EFHC1: variants seen among roughly 807,000 people sequenced by gnomAD.
The protein encoded by EFHC1 is EF-hand domain containing 1.
EFHC1 carries 53 observed loss-of-function variants against 69.9 expected under a neutral mutation model. The ratio of observed to expected loss-of-function variants is 0.76; its 90% CI spans 0.61 to 0.95. The LOEUF (loss-of-function observed/expected upper bound fraction) is 0.95, where lower values mean the gene tolerates loss of function less well. Among genes scored for constraint, EFHC1 ranks in the 40% least tolerant of loss-of-function variants. The probability of loss-of-function intolerance (pLI) is 0.00; values close to 1 mark genes in which losing one functional copy is unlikely to be tolerated. For missense variants in EFHC1, 739 were observed against 798.7 expected (o/e 0.93, Z 0.90); for synonymous variants, 256 against 278.4 (o/e 0.92, Z 0.80).
At chr6:52,471,682 A>G (rs1301144759) in intron 7 of EFHC1, among the ~76,000 whole-genome samples, 2 of 152,224 alleles carry the variant, frequency 1.3e-5, no homozygotes, top group Admixed American at 1.3e-4. Context: ...CCTGGCCAAC[A>G]TGCTAAAACC....
At chr6:52,472,314 AC>A (rs1765455761) in intron 7 of EFHC1, among the ~76,000 whole-genome samples, 2 of 152,116 alleles carry the variant, frequency 1.3e-5, no homozygotes, top group South Asian at 4.1e-4. Context: ...GACTGCTATC[AC>A]CCCTTCTGGT....
rs1040909661 is a variant in EFHC1 at position 52,455,425 on chromosome 6, C to T, written c.916+1138C>T. 2.0e-5 allele frequency among the ~76,000 whole-genome samples: 3 copies of T among 152,010 alleles called. No homozygotes were observed. In the South Asian group the frequency reaches 6.2e-4, roughly 32 times the overall value. ...ATCCCAGCACTTTGGGAGGCCAAGG[C>T]AGGTGGATCATGAAGTCAGGAGATC... is the stretch of plus-strand genomic sequence containing the variant. On this transcript the variant is annotated intron_variant, in intron 5 of 10. Coordinates refer to ENST00000371068, the MANE Select transcript of EFHC1 (RefSeq NM_018100.4).
chr6:52,432,687 A>G lies in EFHC1; in HGVS notation c.286-5617A>G, dbSNP rs1764441420. On this transcript the variant is annotated intron_variant, in intron 2 of 10. Coordinates refer to ENST00000371068, the MANE Select transcript of EFHC1 (RefSeq NM_018100.4). Reference sequence around the variant, plus strand: ...AACCTGAGGAAAGTGTGCCTAGGTGATGATCTTTTTGTAGTGAATTTCCCA... The same window carrying G: ...AACCTGAGGAAAGTGTGCCTAGGTGGTGATCTTTTTGTAGTGAATTTCCCA... Among the ~76,000 whole-genome samples the G allele has an allele frequency of 2.0e-5, 3 of 152,220 alleles. No homozygotes were observed. The South Asian group carries it at 6.2e-4, about 32-fold the overall frequency.
At chr6:52,475,366 A>G (rs1477734607) in intron 7 of EFHC1, among the ~76,000 whole-genome samples, 1 of 152,230 alleles carries the variant, frequency 6.6e-6, no homozygotes, top group African/African-American at 2.4e-5. Context: ...CATGGAGGTC[A>G]GACTAAGACA....
At chr6:52,471,293 T>G (rs1393882575) in intron 7 of EFHC1, among the ~76,000 whole-genome samples, 2 of 152,226 alleles carry the variant, frequency 1.3e-5, no homozygotes, top group Non-Finnish European at 2.9e-5. Context: ...CTTTGAATTA[T>G]CATAGTCCCT....
intron 5 of EFHC1, among the ~76,000 whole-genome samples, chr6:52,454,538 A>G (rs1764997403): frequency 6.6e-6 from 1 of 152,236 alleles, no homozygotes; most frequent in Non-Finnish European, 1.5e-5. Context: ...TTTAAAGTGC[A>G]GCAGAGCAAG....
intron 7 of EFHC1, among the ~76,000 whole-genome samples, chr6:52,470,839 G>A (rs1473602435): frequency 6.6e-6 from 1 of 152,178 alleles, no homozygotes; most frequent in African/African-American, 2.4e-5. Flanking sequence ...TGCTAAATGA[G>A]GAGAAAAGAT....
chr6:52,464,572 A>T (rs1765252745), intron 5 of EFHC1, among the ~76,000 whole-genome samples: 1 of 152,254 alleles, frequency 6.6e-6, no homozygotes, highest in Non-Finnish European at 1.5e-5. Flanking sequence ...CTAGGACTTT[A>T]TACTTACAGA....
chr6:52,421,063 C>T (rs1764180561), intron 1 of EFHC1: 1 of 992,368 alleles, frequency 1.0e-6, no homozygotes, highest in Admixed American at 5.5e-5. Flanking sequence ...CTCTTCTTTC[C>T]GCCAGGTCTT....
rs563080977 is a variant in EFHC1, at chr6:52,492,482, G to A, written c.*141G>A. The A allele has an allele frequency of 1.3e-4, 105 of 839,346 alleles. No homozygotes were observed. In the Middle Eastern group the frequency reaches 1.6e-3, roughly 13 times the overall value. 52.0% of individuals were successfully genotyped at this position (839,346 alleles called of 1,614,324 possible). A position where few individuals can be genotyped will look rare whatever the true frequency, so the allele number is the denominator to read the frequency against. On this transcript the variant is annotated 3_prime_UTR_variant, in exon 11 of 11. Coordinates refer to ENST00000371068, the MANE Select transcript of EFHC1 (RefSeq NM_018100.4). Reference sequence around the variant, plus strand: ...TTCTTCTTTCACTCCTACTGAAGTCGAAACTAAATTGGATCTAATAGGATC... The same window carrying A: ...TTCTTCTTTCACTCCTACTGAAGTCAAAACTAAATTGGATCTAATAGGATC...
At chr6:52,479,505 T>C in intron 8 of EFHC1, 135 bp from the exon 9 acceptor site, 1 of 1,342,664 alleles carries the variant, frequency 7.4e-7, no homozygotes, top group East Asian at 2.3e-5. Context: ...TATTAGTATG[T>C]CGTTTAAAGA....
chr6:52,427,891 A>G (rs1301148924), intron 2 of EFHC1, among the ~76,000 whole-genome samples: 2 of 151,902 alleles, frequency 1.3e-5, no homozygotes, highest in African/African-American at 4.8e-5. Flanking sequence ...GTAAATACAA[A>G]TATTTTTATG....
At position 52,493,655 on chromosome 6, in the gene EFHC1, C is replaced by CAAA; in HGVS notation, c.*1323_*1325dup. ...TGGGTGACAGAGCAAGACTCCATCTCAAAAAAAAAAAGGTTAGAAAAATGC... is the reference window on the plus strand; with the variant it reads ...TGGGTGACAGAGCAAGACTCCATCTCAAAAAAAAAAAAAAGGTTAGAAAAATGC... On this transcript the variant is annotated 3_prime_UTR_variant, in exon 11 of 11. Coordinates refer to ENST00000371068, the MANE Select transcript of EFHC1 (RefSeq NM_018100.4). 1 of 400,600 alleles carries CAAA rather than the reference C, an allele frequency of 2.5e-6. No individual in the cohort carries two copies. Among genetic ancestry groups the CAAA allele is most frequent in the South Asian group, 1.8e-5 (1 of 56,894 alleles). 24.8% of individuals were successfully genotyped at this position (400,600 alleles called of 1,614,324 possible).
At chr6:52,472,218 A>C (rs1765453750) in intron 7 of EFHC1, among the ~76,000 whole-genome samples, 1 of 152,128 alleles carries the variant, frequency 6.6e-6, no homozygotes. Context: ...TATCTGTTAA[A>C]GGTTATGTAT....
In EFHC1 at chr6:52,493,212, C is replaced by G. The variant is rs78956562; in HGVS notation, c.*871C>G. 56,208 of 453,320 alleles carry G rather than the reference C, an allele frequency of 0.12. 4,831 individuals are homozygous for G. Among genetic ancestry groups the G allele is most frequent in the East Asian group, 0.44 (6,276 of 14,334 alleles). The allele number at this position is 453,320 out of a possible 1,614,324, so 28.1% of individuals were successfully genotyped here. A position where few individuals can be genotyped will look rare whatever the true frequency, so the allele number is the denominator to read the frequency against. On this transcript the variant is annotated 3_prime_UTR_variant, in exon 11 of 11. Coordinates refer to ENST00000371068, the MANE Select transcript of EFHC1 (RefSeq NM_018100.4). ...TCAGACTGGACCTAAACCATCAGCT[C>G]TCCTAAGTCATAGGCCTTTGGATTC...
Position 52,490,057 on chromosome 6 carries a change from C to T in EFHC1, c.1641-83C>T, listed in dbSNP as rs1313874462. 4 of 1,285,018 alleles carry T rather than the reference C, an allele frequency of 3.1e-6. No homozygotes were observed. In the East Asian group the frequency reaches 9.9e-5, roughly 32 times the overall value. The allele number at this position is 1,285,018 out of a possible 1,614,324, so 79.6% of individuals were successfully genotyped here. A position where few individuals can be genotyped will look rare whatever the true frequency, so the allele number is the denominator to read the frequency against. ...CTGTGATTAGAAGCTTCCCTGATTT[C>T]ATCAAGTAAGAACTTTGGTCACCGA... On this transcript the variant is annotated intron_variant, in intron 9 of 10. Coordinates refer to ENST00000371068, the MANE Select transcript of EFHC1 (RefSeq NM_018100.4).
rs182348716 is a variant in EFHC1 at position 52,434,484 on chromosome 6, A to T, written c.286-3820A>T. ...AGTGGGGGTGTGTGTTCGGGGACAGATGATCTCCCTTTCCCACTTCCATAG... is the reference window on the plus strand; with the variant it reads ...AGTGGGGGTGTGTGTTCGGGGACAGTTGATCTCCCTTTCCCACTTCCATAG... On this transcript the variant is annotated intron_variant, in intron 2 of 10. Coordinates refer to ENST00000371068, the MANE Select transcript of EFHC1 (RefSeq NM_018100.4). Among the ~76,000 whole-genome samples, 17 of 152,306 alleles carry T rather than the reference A, an allele frequency of 1.1e-4. No homozygotes were observed. In the East Asian group the frequency reaches 3.1e-3, roughly 28 times the overall value.
At chr6:52,474,932 G>T (rs892330239) in intron 7 of EFHC1, among the ~76,000 whole-genome samples, 1 of 152,030 alleles carries the variant, frequency 6.6e-6, no homozygotes, top group Non-Finnish European at 1.5e-5. Context: ...TCTCAACCTG[G>T]ATGGTGGTTA....
chr6:52,453,857 T>G (rs759898933), intron 4 of EFHC1: 2 of 1,355,292 alleles, frequency 1.5e-6, no homozygotes, highest in East Asian at 8.2e-5. Context: ...CTCTTCTTTT[T>G]TGGCACAAAC....
Sources: gnomAD v4.1 joint callset for allele counts (sites outside exome capture counted in the v4.1 genomes callset) on GRCh38, gnomAD v4.1.1 for gene constraint, MANE v1.5 for transcripts, NCBI Gene and HGNC (gene_info 2026-07-23, HGNC 2026-07-21) for gene names.